The following LRRC8C variants were observed in gnomAD, a reference collection of about 807,000 sequenced individuals.
LRRC8C encodes the protein volume-regulated anion channel subunit LRRC8C.
A neutral mutation model predicts 55.3 loss-of-function variants in LRRC8C; 20 were observed. The ratio of observed to expected loss-of-function variants is 0.36; its 90% CI spans 0.25 to 0.53. LRRC8C has a LOEUF of 0.53. LRRC8C is among the 20% of genes least tolerant of loss of function. LRRC8C has a pLI of 0.92. For missense variants in LRRC8C, 659 were observed against 951.4 expected (o/e 0.69, Z 4.04); for synonymous variants, 376 against 360.7 (o/e 1.04, Z -0.48).
intron 1 of LRRC8C, among the ~76,000 whole-genome samples, chr1:89,663,746 A>C (rs556778833): frequency 8.1e-4 from 124 of 152,250 alleles, no homozygotes; most frequent in African/African-American, 2.9e-3. Flanking sequence ...TCCCACCAAC[A>C]GTGTAAAAGC....
intron 1 of LRRC8C, among the ~76,000 whole-genome samples, chr1:89,651,872 C>A (rs1374268506): frequency 6.6e-6 from 1 of 152,070 alleles, no homozygotes; most frequent in Non-Finnish European, 1.5e-5. Flanking sequence ...TCACTAAATT[C>A]TTGGTTGACA....
At chr1:89,677,370 A>G (rs985451207) in intron 1 of LRRC8C, among the ~76,000 whole-genome samples, 1 of 152,236 alleles carries the variant, frequency 6.6e-6, no homozygotes, top group South Asian at 2.1e-4. Flanking sequence ...CTATCATTTT[A>G]TGATGCTATG....
chr1:89,636,184 C>T (rs1656276757), intron 1 of LRRC8C, among the ~76,000 whole-genome samples: 2 of 152,304 alleles, frequency 1.3e-5, no homozygotes, highest in South Asian at 4.1e-4. Context: ...GTGCAGATTA[C>T]TTGTAATAGT....
At chr1:89,650,867 C>T (rs1656753892) in intron 1 of LRRC8C, among the ~76,000 whole-genome samples, 1 of 152,134 alleles carries the variant, frequency 6.6e-6, no homozygotes, top group Non-Finnish European at 1.5e-5. Context: ...TAACTCCAAC[C>T]CCAAGTTCAA....
Position 89,686,583 on chromosome 1 carries a change from T to C in LRRC8C, c.110T>C (p.Met37Thr). 1 of 1,614,218 alleles carries C rather than the reference T, an allele frequency of 6.2e-7. No homozygotes were observed. The highest frequency in any genetic ancestry group is 8.5e-7 in the Non-Finnish European group (1 of 1,180,036). The change falls in exon 2 of 3, where the codon ATG becomes ACG. Residue 37 changes from methionine to threonine, a missense_variant. Met to Thr is a moderately conservative substitution (Grantham distance 81). Coordinates refer to ENST00000370454, the MANE Select transcript of LRRC8C (RefSeq NM_032270.5). ...FTDYLSVAML[M>T]IGVFGCTLQV... ...GATTACCTCTCAGTAGCCATGCTCA[T>C]GATCGGCGTGTTTGGATGTACTTTA...
At chr1:89,685,586 T>A (rs865976932) in intron 1 of LRRC8C, among the ~76,000 whole-genome samples, 2 of 152,300 alleles carry the variant, frequency 1.3e-5, no homozygotes, top group South Asian at 4.1e-4. Context: ...AGTAGCAGGA[T>A]GATTAACCTC....
At chr1:89,657,172 A>G (rs566637790) in intron 1 of LRRC8C, among the ~76,000 whole-genome samples, 27 of 152,302 alleles carry the variant, frequency 1.8e-4, no homozygotes, top group African/African-American at 5.8e-4. Context: ...CAGATGTCCA[A>G]TGAGGTAGTA....
At chr1:89,711,857 GAAGA>G (rs1658658883) in intron 2 of LRRC8C, among the ~76,000 whole-genome samples, 2 of 152,142 alleles carry the variant, frequency 1.3e-5, no homozygotes, top group African/African-American at 2.4e-5. Context: ...CTCTCTGAAG[GAAGA>G]GTTTTTATAA....
chr1:89,690,734 T>A (rs916831294), intron 2 of LRRC8C, among the ~76,000 whole-genome samples: 2 of 152,170 alleles, frequency 1.3e-5, no homozygotes, highest in Non-Finnish European at 2.9e-5. Flanking sequence ...GTCAGAATCA[T>A]CTTCCTGCAG....
chr1:89,717,613 T>G lies in LRRC8C; in HGVS notation c.*2631T>G, dbSNP rs767633058. The G allele has an allele frequency of 3.9e-5, 6 of 152,088 alleles. No homozygotes were observed. The highest frequency in any genetic ancestry group is 7.4e-5 in the Non-Finnish European group (5 of 67,998). The allele number at this position is 152,088 out of a possible 1,614,324, so 9.4% of individuals were successfully genotyped here. A position where few individuals can be genotyped will look rare whatever the true frequency, so the allele number is the denominator to read the frequency against. ...CAAAAGTCTGAAACTTAATTTTGAG[T>G]CTAAATTTTCTGACACTGGCCCCTT... On this transcript the variant is annotated 3_prime_UTR_variant, in exon 3 of 3. Transcript: ENST00000370454.
intron 1 of LRRC8C, among the ~76,000 whole-genome samples, chr1:89,684,473 C>G (rs756978422): frequency 3.9e-5 from 6 of 152,160 alleles, no homozygotes; most frequent in Non-Finnish European, 8.8e-5. Flanking sequence ...TTGTTACGAG[C>G]TTCTTGTTTT....
In LRRC8C at chr1:89,714,851, G is replaced by A; in HGVS notation, c.2281G>A (p.Gly761Ser). The change falls in exon 3 of 3, where the codon GGT becomes AGT. Residue 761 changes from glycine to serine, a missense_variant. By Grantham distance (56) the Gly-to-Ser change is moderately conservative. Transcript: ENST00000370454. The surrounding 1 kb of genome is among the most constrained non-coding windows in gnomAD (Gnocchi z 4.6). ...LLFLSYLDVK[G>S]NHFEILPPEL... ...ATTTCTTTCCTACTTAGATGTAAAA[G>A]GTAATCACTTTGAAATCCTCCCTCC... 2 of 1,614,142 alleles carry A rather than the reference G, an allele frequency of 1.2e-6. No homozygotes were observed. Among genetic ancestry groups the A allele is most frequent in the Non-Finnish European group, 1.7e-6 (2 of 1,180,008 alleles).
At chr1:89,657,360 T>C (rs1570700214) in intron 1 of LRRC8C, among the ~76,000 whole-genome samples, 1 of 152,348 alleles carries the variant, frequency 6.6e-6, no homozygotes, top group Non-Finnish European at 1.5e-5. Flanking sequence ...ATATTGTTGG[T>C]ATCCTAAATA....
At position 89,714,166 on chromosome 1, in the gene LRRC8C, T is replaced by C. The variant is rs766524261; in HGVS notation, c.1596T>C (p.Asn532=). 2 of 1,614,134 alleles carry C rather than the reference T, an allele frequency of 1.2e-6. No homozygotes were observed. Among genetic ancestry groups the C allele is most frequent in the Non-Finnish European group, 1.7e-6 (2 of 1,180,030 alleles). The change falls in exon 3 of 3, where the codon AAT becomes AAC. Residue 532 remains asparagine, a synonymous_variant. Coordinates refer to ENST00000370454, the MANE Select transcript of LRRC8C (RefSeq NM_032270.5). The surrounding 1 kb of genome is among the most constrained non-coding windows in gnomAD (Gnocchi z 4.6). The stretch of plus-strand genomic sequence containing the variant: ...CTCTAAGTCATGATATTTCCAGAAA[T>C]GTCACCCTTGAGTCTCTGCGGGATC... ...VGSLSHDISR[N]VTLESLRDLK...
chr1:89,662,779 G>A (rs1657153445), intron 1 of LRRC8C, among the ~76,000 whole-genome samples: 1 of 152,026 alleles, frequency 6.6e-6, no homozygotes, highest in South Asian at 2.1e-4. Flanking sequence ...TTAGTATTGT[G>A]TTTTCAGCCC....
chr1:89,644,227 T>G (rs1394177399), intron 1 of LRRC8C, among the ~76,000 whole-genome samples: 1 of 152,182 alleles, frequency 6.6e-6, no homozygotes, highest in Non-Finnish European at 1.5e-5. Context: ...CAGGCTGGAG[T>G]GCAGGGGCAC....
chr1:89,636,835 T>C (rs1227824768), intron 1 of LRRC8C, among the ~76,000 whole-genome samples: 2 of 152,208 alleles, frequency 1.3e-5, no homozygotes, highest in African/African-American at 4.8e-5. Context: ...TTAAAATTTT[T>C]TTAAAATTCT....
intron 1 of LRRC8C, among the ~76,000 whole-genome samples, chr1:89,659,834 A>G (rs998892234): frequency 6.6e-6 from 1 of 152,322 alleles, no homozygotes; most frequent in Non-Finnish European, 1.5e-5. Flanking sequence ...TGCTCAGACA[A>G]CTAGGTCAGG....
In LRRC8C at chr1:89,714,629, T is replaced by A; in HGVS notation, c.2059T>A (p.Tyr687Asn). 1.2e-6 allele frequency: 2 copies of A among 1,614,178 alleles called. No homozygotes were observed. Among genetic ancestry groups the A allele is most frequent in the Non-Finnish European group, 8.5e-7 (1 of 1,180,006 alleles). ...CCTCTTCCTATGCAACAAGATCCGATACTTGGACTTATCGTACAATGACAT... is the reference window on the plus strand; with the variant it reads ...CCTCTTCCTATGCAACAAGATCCGAAACTTGGACTTATCGTACAATGACAT... ...SHLFLCNKIR[Y>N]LDLSYNDIRF... The change falls in exon 3 of 3, where the codon TAC becomes AAC. Residue 687 changes from tyrosine (Y) to asparagine (N), a missense_variant. Tyr to Asn is a moderately radical substitution (Grantham distance 143). Transcript: ENST00000370454. This position sits in a 1 kb window ranked among gnomAD's most constrained non-coding sequence, Gnocchi z 4.6.
Sources: allele counts gnomAD v4.1 joint callset (sites outside exome capture counted in the v4.1 genomes callset), GRCh38; gene constraint gnomAD v4.1.1; non-coding constraint Gnocchi (gnomAD v3.1); transcripts MANE v1.5; gene names NCBI Gene and HGNC (gene_info 2026-07-23, HGNC 2026-07-21).